Variants in MBTD1 observed in about 807,000 individuals in gnomAD.
MBTD1 encodes the protein MBT domain-containing protein 1.
In MBTD1, 24 loss-of-function variants were observed where a neutral mutation model predicts 87.8. The ratio of observed to expected loss-of-function variants is 0.27; its 90% CI spans 0.20 to 0.38. MBTD1 has a LOEUF of 0.38. Among genes scored for constraint, MBTD1 ranks in the 10% least tolerant of loss-of-function variants. The pLI is 1.00. For synonymous variants in MBTD1, 237 were observed against 248.6 expected, an observed-to-expected ratio of 0.95 and a Z score of 0.44; for missense variants, 436 against 760.2, an observed-to-expected ratio of 0.57 and a Z score of 5.02.
In MBTD1 at chr17:51,179,502, A is replaced by ATT. The variant is rs1568135818; in HGVS notation, c.*1073_*1074insAA. On this transcript the variant is annotated 3_prime_UTR_variant, in exon 17 of 17. Coordinates refer to ENST00000586178, the MANE Select transcript of MBTD1 (RefSeq NM_017643.3). ...GACAATTTTATATATATATATATAT[A>ATT]TATATATATATATATATATATATAT... The ATT allele has an allele frequency of 2.2e-4, 15 of 68,086 alleles. No homozygotes were observed. Among genetic ancestry groups the ATT allele is most frequent in the South Asian group, 4.2e-4 (1 of 2,378 alleles). The allele number at this position is 68,086 out of a possible 1,614,324, so 4.2% of individuals were successfully genotyped here. A position where few individuals can be genotyped will look rare whatever the true frequency, so the allele number is the denominator to read the frequency against.
intron 2 of MBTD1, among the ~76,000 whole-genome samples, chr17:51,256,032 C>T (rs1234953065): frequency 1.3e-5 from 2 of 151,966 alleles, no homozygotes; most frequent in African/African-American, 4.8e-5. Context: ...TGGGCCACAA[C>T]GTTGAACAAA....
chr17:51,218,162 TCTCA>T (rs895023264), intron 5 of MBTD1, among the ~76,000 whole-genome samples: 51 of 152,232 alleles, frequency 3.4e-4, no homozygotes, highest in African/African-American at 2.4e-4. Flanking sequence ...TTATTGCCCT[TCTCA>T]CTATTTACTC....
intron 2 of MBTD1, among the ~76,000 whole-genome samples, chr17:51,244,120 A>G (rs1012627455): frequency 6.6e-6 from 1 of 152,162 alleles, no homozygotes; most frequent in African/African-American, 2.4e-5. Flanking sequence ...ATATGACCAC[A>G]TTGTTTCTCA....
chr17:51,217,676 T>C (rs959412969), intron 5 of MBTD1, among the ~76,000 whole-genome samples: 2 of 152,172 alleles, frequency 1.3e-5, no homozygotes, highest in African/African-American at 4.8e-5. Flanking sequence ...TGGCATGATC[T>C]TGGCTCACTG....
chr17:51,217,357 C>T lies in MBTD1; in HGVS notation c.463G>A (p.Ala155Thr). The T allele has an allele frequency of 6.5e-7, 1 of 1,536,892 alleles. No individual in the cohort carries two copies. The highest frequency in any genetic ancestry group is 8.8e-7 in the Non-Finnish European group (1 of 1,140,542). Residue 155 changes from alanine to threonine, a missense_variant, in exon 6 of 17, where the codon GCT (alanine) becomes ACT (threonine). This residue lies in a region of MBTD1 where 268 missense variants were observed against 401.8 expected (regional missense o/e 0.67). Transcript: ENST00000586178. ...NYINSNSFIA[A>T]PVTCFKHAPM... is the part of the protein sequence containing the mutation. ...ACATGTTTAAAACAGGTAACCGGAGCTGCTATAAAGCTATTGCTATTGATG... is the reference window on the plus strand; with the variant it reads ...ACATGTTTAAAACAGGTAACCGGAGTTGCTATAAAGCTATTGCTATTGATG...
intron 2 of MBTD1, among the ~76,000 whole-genome samples, chr17:51,238,888 T>C (rs2143977821): frequency 6.6e-6 from 1 of 152,250 alleles, no homozygotes; most frequent in South Asian, 2.1e-4. Flanking sequence ...TCACTTAAAG[T>C]CAGGAGTTCG....
At chr17:51,209,864 G>A (rs989459775) in intron 6 of MBTD1, among the ~76,000 whole-genome samples, 7 of 152,192 alleles carry the variant, frequency 4.6e-5, no homozygotes, top group African/African-American at 1.7e-4. Flanking sequence ...AGCAGAGGAT[G>A]ATGAAATATT....
chr17:51,181,906 T>G (rs1213972621), intron 16 of MBTD1, among the ~76,000 whole-genome samples: 1 of 152,214 alleles, frequency 6.6e-6, no homozygotes, highest in Non-Finnish European at 1.5e-5. Context: ...ATTACAGGTG[T>G]GAGCCACAGC....
chr17:51,219,617 C>T (rs2052770407), intron 4 of MBTD1, among the ~76,000 whole-genome samples: 1 of 152,048 alleles, frequency 6.6e-6, no homozygotes, highest in Non-Finnish European at 1.5e-5. Context: ...TGATGTATTT[C>T]CTTAATTTGG....
intron 2 of MBTD1, among the ~76,000 whole-genome samples, chr17:51,238,406 CAAGA>C (rs2053973425): frequency 6.6e-6 from 1 of 151,994 alleles, no homozygotes; most frequent in South Asian, 2.1e-4. Context: ...TCAAAGTAAC[CAAGA>C]AAGAGGAAGA....
intron 2 of MBTD1, among the ~76,000 whole-genome samples, chr17:51,232,491 T>C (rs2053601250): frequency 6.6e-6 from 1 of 151,812 alleles, no homozygotes; most frequent in East Asian, 1.9e-4. Flanking sequence ...AAAATATTAT[T>C]GAAAAATAAG....
In MBTD1 at chr17:51,192,945, T is replaced by C. The variant is rs1179625356; in HGVS notation, c.1527A>G (p.Ile509Met). 6.2e-7 allele frequency: 1 copy of C among 1,614,058 alleles called. No individual in the cohort carries two copies. The highest frequency in any genetic ancestry group is 8.5e-7 in the Non-Finnish European group (1 of 1,180,028). The stretch of plus-strand genomic sequence containing the variant: ...TAATTCGAGTTACTGTGGCTACACA[T>C]ATTAAACGTGGCTCCATGAGATCTA... ...EAVDLMEPRL[I>M]CVATVTRIIH... The change falls in exon 15 of 17, where the codon ATA (isoleucine) becomes ATG (methionine). Residue 509 changes from isoleucine to methionine, a missense_variant. This residue lies in a region of MBTD1 where 80 missense variants were observed against 182.2 expected (regional missense o/e 0.44). Coordinates refer to ENST00000586178, the MANE Select transcript of MBTD1 (RefSeq NM_017643.3).
intron 16 of MBTD1, among the ~76,000 whole-genome samples, chr17:51,186,784 A>AG (rs2050558233): frequency 1.3e-5 from 2 of 151,976 alleles, no homozygotes; most frequent in South Asian, 4.1e-4. Flanking sequence ...CAAAAAAAAA[A>AG]ACCAAAACAA....
chr17:51,260,643 A>C, upstream of MBTD1: 1 of 1,612,568 alleles, frequency 6.2e-7, no homozygotes, highest in East Asian at 2.2e-5. Flanking sequence ...GCGAAGCCGA[A>C]GCGGAAGCCC....
chr17:51,203,055 C>T, intron 9 of MBTD1, 85 bp downstream of exon 9: 1 of 1,308,078 alleles, frequency 7.6e-7, no homozygotes, highest in Non-Finnish European at 1.1e-6. Flanking sequence ...ATCTGGTTCA[C>T]AAAATTAAAC....
chr17:51,223,681 T>A (rs976097758), intron 3 of MBTD1, among the ~76,000 whole-genome samples: 1 of 151,846 alleles, frequency 6.6e-6, no homozygotes, highest in African/African-American at 2.4e-5. Context: ...ACTAAAAATA[T>A]GAAAATACGC....
At chr17:51,214,015 C>T (rs1487400067) in intron 6 of MBTD1, among the ~76,000 whole-genome samples, 3 of 151,622 alleles carry the variant, frequency 2.0e-5, no homozygotes, top group African/African-American at 7.3e-5. Flanking sequence ...AATCATAATA[C>T]ACAGATTTTT....
In MBTD1 at chr17:51,180,061, C is replaced by T. The variant is rs2050247720; in HGVS notation, c.*515G>A. On this transcript the variant is annotated 3_prime_UTR_variant, in exon 17 of 17. Coordinates refer to ENST00000586178, the MANE Select transcript of MBTD1 (RefSeq NM_017643.3). ...AGAGAAATAATGACCCTTCCATGAC[C>T]TTTGTGGTGATGACCCCTCCATGAG... 6.6e-6 allele frequency: 1 copy of T among 152,322 alleles called. No homozygotes were observed. The highest frequency in any genetic ancestry group is 1.5e-5 in the Non-Finnish European group (1 of 68,232). The allele number at this position is 152,322 out of a possible 1,614,324, so 9.4% of individuals were successfully genotyped here.
intron 2 of MBTD1, among the ~76,000 whole-genome samples, chr17:51,254,456 A>G (rs772279807): frequency 5.3e-5 from 8 of 152,380 alleles, no homozygotes; most frequent in South Asian, 2.1e-4. Flanking sequence ...ACCAAAAGCA[A>G]TAATATTCTG....
Sources: allele counts gnomAD v4.1 joint callset (sites outside exome capture counted in the v4.1 genomes callset), GRCh38; gene constraint gnomAD v4.1.1; regional missense constraint gnomAD v4.1.1; transcripts MANE v1.5; gene names NCBI Gene and HGNC (gene_info 2026-07-23, HGNC 2026-07-21).